Variants in E2F5 observed in about 807,000 individuals in gnomAD.
The protein encoded by E2F5 is transcription factor E2F5.
E2F5 carries 23 observed loss-of-function variants against 39.1 expected under a neutral mutation model. That is an observed-to-expected ratio of 0.59 (90% confidence interval 0.42 to 0.83). The LOEUF (loss-of-function observed/expected upper bound fraction) is 0.83, where lower values mean the gene tolerates loss of function less well. Ranked by LOEUF, E2F5 falls within the 40% of genes least tolerant of loss-of-function variation. The pLI, the probability that E2F5 is intolerant of heterozygous loss-of-function variation, is 0.00. For synonymous variants in E2F5, 145 were observed against 157.8 expected (o/e 0.92, Z 0.61); for missense variants, 365 against 406.7 (o/e 0.90, Z 0.88).
chr8:85,198,870 G>A (rs372695988), intron 1 of E2F5, among the ~76,000 whole-genome samples: 8 of 152,262 alleles, frequency 5.3e-5, no homozygotes, highest in East Asian at 1.9e-4. Flanking sequence ...CAGTGGTCTT[G>A]CTTTCTCCCT....
At chr8:85,178,131 G>GA (rs1300376416) in intron 1 of E2F5, 1 of 149,634 alleles carries the variant, frequency 6.7e-6, no homozygotes, top group Non-Finnish European at 1.5e-5. Flanking sequence ...TAAAAAGGAG[G>GA]AAAAACAAAA....
At position 85,202,232 on chromosome 8, in the gene E2F5, A is replaced by C; in HGVS notation, c.320A>C (p.Lys107Thr). 1 of 1,611,574 alleles carries C rather than the reference A, an allele frequency of 6.2e-7. No individual in the cohort carries two copies. The highest frequency in any genetic ancestry group is 8.5e-7 in the Non-Finnish European group (1 of 1,179,034). Reference protein sequence around the residue: ...VLEGIDLIEKKSKNSIQWKGV... With the variant: ...VLEGIDLIEKTSKNSIQWKGV... The stretch of plus-strand genomic sequence containing the variant: ...GAGGGAATTGACTTGATTGAAAAAA[A>C]GTCAAAAAACAGTATCCAGTGGAAG... Residue 107 changes from lysine to threonine, a missense_variant, in exon 2 of 8, where the codon AAG (lysine) becomes ACG (threonine). By Grantham distance (78) the Lys-to-Thr change is moderately conservative (BLOSUM62 -1). Coordinates refer to ENST00000416274, the MANE Select transcript of E2F5 (RefSeq NM_001951.4).
chr8:85,205,878 T>G (rs1379350240), intron 3 of E2F5, among the ~76,000 whole-genome samples: 1 of 151,650 alleles, frequency 6.6e-6, no homozygotes, highest in African/African-American at 2.4e-5. Context: ...GGCCTCCTTT[T>G]CCCCATCCAT....
chr8:85,186,437 A>G (rs1053142794), intron 1 of E2F5, among the ~76,000 whole-genome samples: 3 of 151,812 alleles, frequency 2.0e-5, no homozygotes, highest in African/African-American at 7.3e-5. Context: ...GCAAACCACC[A>G]TGGCACATGT....
intron 3 of E2F5, 68 bp downstream of exon 3, chr8:85,203,323 C>G: frequency 3.1e-6 from 4 of 1,282,080 alleles, no homozygotes; most frequent in South Asian, 2.6e-5. Flanking sequence ...TCATTTCAGT[C>G]TAAAGATCAT....
At chr8:85,188,025 A>AAAAC (rs997432818) in intron 1 of E2F5, among the ~76,000 whole-genome samples, 1 of 152,194 alleles carries the variant, frequency 6.6e-6, no homozygotes, top group African/African-American at 2.4e-5. Flanking sequence ...TTTGATCGCA[A>AAAAC]AAACAAACAA....
intron 1 of E2F5, among the ~76,000 whole-genome samples, chr8:85,188,004 CTGATAACAAGT>C: frequency 6.6e-6 from 1 of 152,226 alleles, no homozygotes; most frequent in South Asian, 2.1e-4. Context: ...GTATTTTAAG[CTGATAACAAGT>C]TTGATCGCAA....
Position 85,180,511 on chromosome 8 carries a change from CAT to C in E2F5, c.234+2900_234+2901del, listed in dbSNP as rs58188216. 2.0e-3 allele frequency among the ~76,000 whole-genome samples: 161 copies of C among 80,764 alleles called. 1 individual carries two copies. Among genetic ancestry groups the C allele is most frequent in the South Asian group, 8.3e-3 (16 of 1,936 alleles). The allele number at this position is 80,764 out of a possible 152,430, so 53.0% of individuals were successfully genotyped here. A position where few individuals can be genotyped will look rare whatever the true frequency, so the allele number is the denominator to read the frequency against. ...TTTAAACGCAGTTAAAGAAACTATA[CAT>C]ATATATATATATATATATATATATA... On this transcript the variant is annotated intron_variant, in intron 1 of 7. Transcript: ENST00000416274.
chr8:85,213,710 T>C (rs1370506987), intron 7 of E2F5, 43 bp from the exon 8 acceptor site: 4 of 1,017,698 alleles, frequency 3.9e-6, no homozygotes, highest in Admixed American at 1.8e-5. Flanking sequence ...ATTAACCGTA[T>C]GTAGAAACCA....
intron 1 of E2F5, among the ~76,000 whole-genome samples, chr8:85,182,178 C>T (rs1812234219): frequency 6.6e-6 from 1 of 152,140 alleles, no homozygotes; most frequent in African/African-American, 2.4e-5. Flanking sequence ...GAAATTATAT[C>T]ATGGTTATTT....
At position 85,209,143 on chromosome 8, in the gene E2F5, G is replaced by C. The variant is rs892058581; in HGVS notation, c.617G>C (p.Gly206Ala). 1 of 1,613,524 alleles carries C rather than the reference G, an allele frequency of 6.2e-7. No homozygotes were observed. The highest frequency in any genetic ancestry group is 1.7e-5 in the Admixed American group (1 of 59,990). ...TQLEVPIPEM[G>A]QNGQKKYQIN... ...TGTTTATACCCAATAACTTCAAAGG[G>C]TCAGAATGGACAAAAGAAATACCAG... Residue 206 changes from glycine (G) to alanine (A), a missense_variant and splice_region_variant, in exon 6 of 8, where the codon GGT becomes GCT. Coordinates refer to ENST00000416274, the MANE Select transcript of E2F5 (RefSeq NM_001951.4).
intron 1 of E2F5, among the ~76,000 whole-genome samples, chr8:85,199,066 T>A (rs1812638652): frequency 6.6e-6 from 1 of 152,150 alleles, no homozygotes; most frequent in South Asian, 2.1e-4. Flanking sequence ...TTCACCATCT[T>A]CATAGCTACC....
chr8:85,185,024 T>C (rs1339391017), intron 1 of E2F5, among the ~76,000 whole-genome samples: 3 of 152,112 alleles, frequency 2.0e-5, no homozygotes, highest in Admixed American at 6.6e-5. Context: ...TCAAACTTCA[T>C]AGGGAACCAA....
At position 85,177,223 on chromosome 8, in the gene E2F5, G is replaced by A; in HGVS notation, c.-198G>A. On this transcript the variant is annotated 5_prime_UTR_variant, in exon 1 of 8. Transcript: ENST00000416274. ...TCACGCTTCCCCGGGCTTGGGGAGG[G>A]GGCGGAGGCCCGGCGTGACAAGCGG... 1 of 267,542 alleles carries A rather than the reference G, an allele frequency of 3.7e-6. No homozygotes were observed. The highest frequency in any genetic ancestry group is 5.8e-6 in the Non-Finnish European group (1 of 173,434). The allele number at this position is 267,542 out of a possible 1,614,324, so 16.6% of individuals were successfully genotyped here.
chr8:85,191,443 A>C (rs1015309492), intron 1 of E2F5, among the ~76,000 whole-genome samples: 7 of 152,186 alleles, frequency 4.6e-5, no homozygotes, highest in Admixed American at 2.0e-4. Context: ...ACCACACACA[A>C]AAAAAATGAT....
chr8:85,181,714 C>T (rs1205925967), intron 1 of E2F5, among the ~76,000 whole-genome samples: 3 of 150,276 alleles, frequency 2.0e-5, no homozygotes, highest in Non-Finnish European at 3.0e-5. Flanking sequence ...AATCCCAGCA[C>T]TTTGAGAGGC....
intron 1 of E2F5, among the ~76,000 whole-genome samples, chr8:85,189,177 G>A (rs1462510423): frequency 6.6e-6 from 1 of 152,094 alleles, no homozygotes; most frequent in East Asian, 1.9e-4. Flanking sequence ...TATACTTTCT[G>A]ATGTTCCTTT....
chr8:85,188,649 A>G (rs1303976959), intron 1 of E2F5, among the ~76,000 whole-genome samples: 1 of 152,186 alleles, frequency 6.6e-6, no homozygotes, highest in Non-Finnish European at 1.5e-5. Flanking sequence ...GGTGCAGCCC[A>G]GAGATTGAGT....
intron 7 of E2F5, 23 bp from the exon 8 acceptor site, chr8:85,213,724 TTAACAC>T (rs748501282): frequency 8.1e-7 from 1 of 1,238,806 alleles, no homozygotes; most frequent in Admixed American, 1.7e-5. Context: ...GAAACCATCT[TTAACAC>T]TAAATTTGTT....
Sources: allele counts gnomAD v4.1 joint callset (sites outside exome capture counted in the v4.1 genomes callset), GRCh38; gene constraint gnomAD v4.1.1; transcripts MANE v1.5; gene names NCBI Gene and HGNC (gene_info 2026-07-23, HGNC 2026-07-21).